Variants in PDPK1 observed in about 807,000 individuals in gnomAD.
PDPK1 encodes the protein 3-phosphoinositide-dependent protein kinase 1.
A neutral mutation model predicts 39.8 loss-of-function variants in PDPK1; 7 were observed. The observed-to-expected ratio is 0.18, with a 90% CI of 0.10 to 0.33. PDPK1 has a LOEUF of 0.33. Among genes scored for constraint, PDPK1 ranks in the 10% least tolerant of loss-of-function variants. The pLI, the probability that PDPK1 is intolerant of heterozygous loss-of-function variation, is 1.00. For missense variants in PDPK1, 182 were observed against 384.7 expected (o/e 0.47, Z 4.41); for synonymous variants, 118 against 159.1 (o/e 0.74, Z 1.95).
chr16:2,539,172 C>G (rs1018259373), intron 1 of PDPK1: 1 of 167,292 alleles, frequency 6.0e-6, no homozygotes, highest in African/African-American at 2.4e-5. Context: ...CTCCATCTCC[C>G]GGGTTCAAGC....
rs533467818 is a variant in PDPK1, at chr16:2,601,281, A to C, written c.*3514A>C. ...TGAACAAATCGGTTTCTGATAAGCC[A>C]TGTGTTCCAAAGAATGTCTGAATAA... On this transcript the variant is annotated 3_prime_UTR_variant, in exon 14 of 14. Transcript: ENST00000342085. The C allele has an allele frequency of 8.5e-6, 2 of 234,308 alleles. No individual in the cohort carries two copies. The highest frequency in any genetic ancestry group is 1.2e-4 in the East Asian group (2 of 16,574). 14.5% of individuals were successfully genotyped at this position (234,308 alleles called of 1,614,324 possible).
At position 2,593,929 on chromosome 16, in the gene PDPK1, T is replaced by A. The variant is rs181819335; in HGVS notation, c.1344-1864T>A. On this transcript the variant is annotated intron_variant, in intron 11 of 13. Transcript: ENST00000342085. The surrounding 1 kb of genome is among the most constrained non-coding windows in gnomAD (Gnocchi z 4.2). ...TGTTTTAATACCCACATTGTGTGTG[T>A]TTGCAGGCGAAGTCCCTGGTGCGAG... The A allele has an allele frequency of 6.6e-6, 1 of 152,428 alleles. No individual in the cohort carries two copies. Among genetic ancestry groups the A allele is most frequent in the East Asian group, 1.9e-4 (1 of 5,186 alleles). 9.4% of individuals were successfully genotyped at this position (152,428 alleles called of 1,614,324 possible).
intron 1 of PDPK1, among the ~76,000 whole-genome samples, chr16:2,540,012 A>G (rs1266821805): frequency 6.6e-6 from 1 of 152,220 alleles, no homozygotes; most frequent in Non-Finnish European, 1.5e-5. Context: ...AAGTGTCACG[A>G]ACGAGCGTTT....
intron 11 of PDPK1, among the ~76,000 whole-genome samples, chr16:2,589,952 CCA>C (rs1355739158): frequency 6.6e-6 from 1 of 152,202 alleles, no homozygotes; most frequent in African/African-American, 2.4e-5. Context: ...TCCTGTGCTG[CCA>C]CAGTCCACAA....
chr16:2,586,929 G>A (rs751564020), intron 11 of PDPK1, 36 bp downstream of exon 11: 1 of 1,581,802 alleles, frequency 6.3e-7, no homozygotes, highest in East Asian at 2.2e-5. Flanking sequence ...GCTTTTTGCA[G>A]AATTGCAGCG....
intron 1 of PDPK1, among the ~76,000 whole-genome samples, chr16:2,542,934 T>C (rs1321414721): frequency 1.4e-5 from 2 of 145,070 alleles, no homozygotes; most frequent in East Asian, 4.2e-4. Flanking sequence ...TTCTTCTGGC[T>C]ATGGGCTTAT....
intron 1 of PDPK1, among the ~76,000 whole-genome samples, chr16:2,542,429 G>A (rs1007324988): frequency 6.6e-6 from 1 of 152,204 alleles, no homozygotes; most frequent in Non-Finnish European, 1.5e-5. Flanking sequence ...AAAGTGCTGG[G>A]ATTACAGGCA....
intron 1 of PDPK1, chr16:2,538,844 G>A (rs1325175474): frequency 9.3e-7 from 1 of 1,072,842 alleles, no homozygotes; most frequent in African/African-American, 1.7e-5. Flanking sequence ...AAGTGTCGCT[G>A]GTGTTTCTAT....
At position 2,544,290 on chromosome 16, in the gene PDPK1, T is replaced by C. The variant is rs185384766; in HGVS notation, c.24+6154T>C. ...ACTTTCCTCAGGCCCAGGGAAAAGC[T>C]TGGAGGGAGGTTCCCACAGAAATAT... On this transcript the variant is annotated intron_variant, in intron 1 of 13. Coordinates refer to ENST00000342085, the MANE Select transcript of PDPK1 (RefSeq NM_002613.5). Among the ~76,000 whole-genome samples the C allele has an allele frequency of 6.6e-5, 10 of 152,210 alleles. No homozygotes were observed. In the East Asian group the frequency reaches 1.5e-3, roughly 24 times the overall value.
intron 11 of PDPK1, among the ~76,000 whole-genome samples, chr16:2,588,540 G>C (rs1335547147): frequency 6.6e-6 from 1 of 152,206 alleles, no homozygotes; most frequent in African/African-American, 2.4e-5. Context: ...TCTGCCTGGG[G>C]CTGTTCTTAG....
At chr16:2,585,466 A>ATGGGCAC (rs2066849188) in intron 10 of PDPK1, among the ~76,000 whole-genome samples, 1 of 152,154 alleles carries the variant, frequency 6.6e-6, no homozygotes, top group South Asian at 2.1e-4. Context: ...TTCATGGGGA[A>ATGGGCAC]TGGGCACTGG....
At chr16:2,586,985 C>T (rs1007953434) in intron 11 of PDPK1, 92 bp downstream of exon 11, 34 of 1,072,746 alleles carry the variant, frequency 3.2e-5, no homozygotes, top group Non-Finnish European at 4.6e-5. Flanking sequence ...TTGTCACTGC[C>T]TCCCTCAGCA....
At chr16:2,586,265 G>A (rs2066872988) in intron 10 of PDPK1, among the ~76,000 whole-genome samples, 3 of 152,216 alleles carry the variant, frequency 2.0e-5, no homozygotes, top group South Asian at 2.1e-4. Context: ...GGTCTTGCAC[G>A]GAGGCCCTGT....
At position 2,599,440 on chromosome 16, in the gene PDPK1, A is replaced by G. The variant is rs1245770800; in HGVS notation, c.*1673A>G. The G allele has an allele frequency of 4.3e-6, 1 of 232,962 alleles. No individual in the cohort carries two copies. 14.4% of individuals were successfully genotyped at this position (232,962 alleles called of 1,614,324 possible). On this transcript the variant is annotated 3_prime_UTR_variant, in exon 14 of 14. Coordinates refer to ENST00000342085, the MANE Select transcript of PDPK1 (RefSeq NM_002613.5). ...ACAGACGGGGCCTGGGAGGGGGCAG[A>G]GATGTTCCCCAGGCCCTGCCTGTGG...
At chr16:2,588,907 A>G (rs1391100900) in intron 11 of PDPK1, among the ~76,000 whole-genome samples, 3 of 152,010 alleles carry the variant, frequency 2.0e-5, no homozygotes, top group Admixed American at 6.6e-5. Context: ...TGTAGAATGG[A>G]ATCTGCGTGC....
At chr16:2,542,842 G>C (rs959437317) in intron 1 of PDPK1, among the ~76,000 whole-genome samples, 115 of 151,962 alleles carry the variant, frequency 7.6e-4, no homozygotes, top group African/African-American at 2.7e-3. Context: ...CTGCGTGTTT[G>C]CGGAGCTGGT....
At position 2,544,933 on chromosome 16, in the gene PDPK1, T is replaced by C. The variant is rs534643039; in HGVS notation, c.24+6797T>C. Among the ~76,000 whole-genome samples, 233 of 152,006 alleles carry C rather than the reference T, an allele frequency of 1.5e-3. 12 individuals carry two copies. The South Asian group carries it at 0.047, about 31-fold the overall frequency. ...ATTATTTGAAAGTAAGTCACACACA[T>C]GATAGCATTTCACCCCAGAATCCTT... On this transcript the variant is annotated intron_variant, in intron 1 of 13. Transcript: ENST00000342085.
In PDPK1 at chr16:2,599,906, T is replaced by C. The variant is rs1231574640; in HGVS notation, c.*2139T>C. On this transcript the variant is annotated 3_prime_UTR_variant, in exon 14 of 14. Transcript: ENST00000342085. ...TCCTCTGGATAGAACCACCACCTCC[T>C]GGGCGTCACTGACAAGCTCCATCTT... 1 of 233,186 alleles carries C rather than the reference T, an allele frequency of 4.3e-6. No individual in the cohort carries two copies. The highest frequency in any genetic ancestry group is 2.2e-5 in the African/African-American group (1 of 45,358). 14.4% of individuals were successfully genotyped at this position (233,186 alleles called of 1,614,324 possible).
In PDPK1 at chr16:2,597,593, G is replaced by T; in HGVS notation, c.1555-58G>T. The T allele has an allele frequency of 8.2e-7, 1 of 1,221,948 alleles. No homozygotes were observed. 75.7% of individuals were successfully genotyped at this position (1,221,948 alleles called of 1,614,324 possible). On this transcript the variant is annotated intron_variant, in intron 13 of 13. Transcript: ENST00000342085. This position sits in a 1 kb window ranked among gnomAD's most constrained non-coding sequence, Gnocchi z 6.3. ...CTGGTCGCAGGCAGCTCACCAGGTT[G>T]GGGTGGGGGTTTTGGTGGGACTCCC... is the stretch of plus-strand genomic sequence containing the variant.
Sources: gnomAD v4.1 joint callset for allele counts (sites outside exome capture counted in the v4.1 genomes callset) on GRCh38, gnomAD v4.1.1 for gene constraint, Gnocchi (gnomAD v3.1) non-coding constraint, MANE v1.5 for transcripts, NCBI Gene and HGNC (gene_info 2026-07-23, HGNC 2026-07-21) for gene names.